The following UNC13C variants were observed in gnomAD, a reference collection of about 807,000 sequenced individuals.
UNC13C encodes unc-13 homolog C, also known as protein unc-13 homolog C.
Under a neutral mutation model 245.4 loss-of-function variants are expected in UNC13C, and 174 were observed. That is an observed-to-expected ratio of 0.71 (90% CI 0.63 to 0.80). UNC13C has a LOEUF of 0.80. UNC13C is among the 30% of genes least tolerant of loss of function. UNC13C has a pLI of 0.00. For missense variants in UNC13C, 2,829 were observed against 2,602.9 expected (o/e 1.09, Z -1.89); for synonymous variants, 992 against 895.1 (o/e 1.11, Z -1.93).
chr15:54,063,358 T>A (rs577571648), intron 2 of UNC13C, among the ~76,000 whole-genome samples: 31 of 152,142 alleles, frequency 2.0e-4, no homozygotes, highest in African/African-American at 6.7e-4. Context: ...TAGGCAAGAA[T>A]TTAGGATGTT....
At chr15:54,313,300 C>T (rs2140966445) in intron 13 of UNC13C, among the ~76,000 whole-genome samples, 1 of 151,874 alleles carries the variant, frequency 6.6e-6, no homozygotes, top group East Asian at 1.9e-4. Context: ...CATACTCAAG[C>T]ATATGTCCTG....
chr15:54,014,411 A>G lies in UNC13C; in HGVS notation c.1508A>G (p.Asn503Ser). 2 of 1,613,852 alleles carry G rather than the reference A, an allele frequency of 1.2e-6. No homozygotes were observed. Among genetic ancestry groups the G allele is most frequent in the Middle Eastern group, 1.6e-4 (1 of 6,062 alleles). Reference sequence around the variant, plus strand: ...ACTGCTAATAGCAGCAGAATTTCAAATAAATCAGATTATGATAAAATCTCC... The same window carrying G: ...ACTGCTAATAGCAGCAGAATTTCAAGTAAATCAGATTATGATAAAATCTCC... ...NKTANSSRIS[N>S]KSDYDKISSQ... Residue 503 changes from asparagine to serine, a missense_variant, in exon 2 of 33, where the codon AAT (asparagine) becomes AGT (serine). Physicochemically the swap from Asn to Ser is conservative, Grantham distance 46 (BLOSUM62 1). Transcript: ENST00000260323.
intron 17 of UNC13C, among the ~76,000 whole-genome samples, chr15:54,351,660 T>A (rs921354362): frequency 1.3e-5 from 2 of 152,120 alleles, no homozygotes; most frequent in African/African-American, 4.8e-5. Flanking sequence ...TATAAAACCC[T>A]CCAGTGTAGG....
At chr15:54,523,017 T>C (rs8024541) in intron 24 of UNC13C, among the ~76,000 whole-genome samples, 2 of 152,132 alleles carry the variant, frequency 1.3e-5, no homozygotes, top group Non-Finnish European at 2.9e-5. Context: ...TTTGAAAAAA[T>C]ATTAGATTGC....
the UNC13C span, among the ~76,000 whole-genome samples, chr15:53,840,252 G>A: frequency 2.0e-5 from 3 of 152,166 alleles, no homozygotes; most frequent in Non-Finnish European, 1.5e-5. Flanking sequence ...ATGAGAAAAT[G>A]TCTTGAAGAC....
At chr15:54,176,596 T>C (rs1595951951) in intron 4 of UNC13C, among the ~76,000 whole-genome samples, 1 of 152,150 alleles carries the variant, frequency 6.6e-6, no homozygotes. Context: ...TAGCAAATTA[T>C]GATTATAATA....
intron 2 of UNC13C, among the ~76,000 whole-genome samples, chr15:54,135,988 T>A (rs2031709415): frequency 6.6e-6 from 1 of 152,302 alleles, no homozygotes; most frequent in Non-Finnish European, 1.5e-5. Context: ...ACACTGAACA[T>A]CTTTCCATTT....
chr15:54,373,585 G>A (rs1352054671), intron 17 of UNC13C, among the ~76,000 whole-genome samples: 1 of 152,196 alleles, frequency 6.6e-6, no homozygotes, highest in African/African-American at 2.4e-5. Context: ...TCCACTGCTG[G>A]CACCAGGGAA....
rs767778782 is a variant in UNC13C at position 54,511,849 on chromosome 15, T to A, written c.5457+19T>A. On this transcript the variant is annotated intron_variant, in intron 24 of 32. Transcript: ENST00000260323. ...GAAGGAGGTGGGTATCTTTTTCTCCTACATTTGCTAAAAACCTACTTAGAG... is the reference window on the plus strand; with the variant it reads ...GAAGGAGGTGGGTATCTTTTTCTCCAACATTTGCTAAAAACCTACTTAGAG... 7 of 1,568,824 alleles carry A rather than the reference T, an allele frequency of 4.5e-6. No homozygotes were observed. In the Admixed American group the frequency reaches 1.2e-4, roughly 27 times the overall value.
At chr15:54,540,176 G>A (rs564697279) in intron 26 of UNC13C, among the ~76,000 whole-genome samples, 46 of 152,042 alleles carry the variant, frequency 3.0e-4, no homozygotes, top group South Asian at 2.3e-3. Context: ...ACAAATAAAC[G>A]TAAGATGTAA....
intron 13 of UNC13C, among the ~76,000 whole-genome samples, chr15:54,312,382 C>G (rs1348942037): frequency 6.6e-6 from 1 of 151,676 alleles, no homozygotes; most frequent in Non-Finnish European, 1.5e-5. Flanking sequence ...CCACTTTCTG[C>G]CATTTCTTTA....
At chr15:54,534,090 C>T (rs1895883277) in intron 26 of UNC13C, among the ~76,000 whole-genome samples, 1 of 152,186 alleles carries the variant, frequency 6.6e-6, no homozygotes, top group Non-Finnish European at 1.5e-5. Context: ...CTGCTGCTGC[C>T]ACCAGCACAC....
At chr15:54,558,046 G>C (rs1006034612) in intron 29 of UNC13C, among the ~76,000 whole-genome samples, 4 of 151,880 alleles carry the variant, frequency 2.6e-5, no homozygotes, top group African/African-American at 9.7e-5. Flanking sequence ...GGTGGGAATT[G>C]AATAATGAGA....
At chr15:54,251,159 T>A (rs1169481225) in intron 8 of UNC13C, among the ~76,000 whole-genome samples, 2 of 152,192 alleles carry the variant, frequency 1.3e-5, no homozygotes, top group African/African-American at 4.8e-5. Context: ...GCTTCTGCAT[T>A]TACAGCAACT....
intron 28 of UNC13C, among the ~76,000 whole-genome samples, chr15:54,553,325 A>G (rs1200028798): frequency 8.3e-6 from 1 of 119,920 alleles, no homozygotes; most frequent in Non-Finnish European, 1.6e-5. Flanking sequence ...AATATTATAT[A>G]TAATATATAA....
chr15:53,870,826 G>A, the UNC13C span, among the ~76,000 whole-genome samples: 2 of 152,164 alleles, frequency 1.3e-5, no homozygotes, highest in Non-Finnish European at 2.9e-5. Context: ...AATTAACTGG[G>A]AGAAGCAGAG....
chr15:54,369,357 T>G (rs1446845846), intron 17 of UNC13C, among the ~76,000 whole-genome samples: 3 of 152,176 alleles, frequency 2.0e-5, no homozygotes, highest in South Asian at 4.1e-4. Context: ...TTTTGTTTAT[T>G]TACTTGCTGA....
intron 2 of UNC13C, among the ~76,000 whole-genome samples, chr15:54,113,249 G>A (rs1485902482): frequency 1.3e-5 from 2 of 152,178 alleles, no homozygotes; most frequent in African/African-American, 2.4e-5. Flanking sequence ...AGAGAGAAAA[G>A]AAAGAATGCT....
the UNC13C span, among the ~76,000 whole-genome samples, chr15:53,893,976 C>A: frequency 6.6e-6 from 1 of 152,338 alleles, no homozygotes; most frequent in African/African-American, 2.4e-5. Context: ...GTGGGGCAGG[C>A]ACTGGAGGGA....
Sources: gnomAD v4.1 joint callset for allele counts (sites outside exome capture counted in the v4.1 genomes callset) on GRCh38, gnomAD v4.1.1 for gene constraint, MANE v1.5 for transcripts, NCBI Gene and HGNC (gene_info 2026-07-23, HGNC 2026-07-21) for gene names.